Variants in NFAT5 observed in about 807,000 individuals in gnomAD.
The protein encoded by NFAT5 is nuclear factor of activated T cells 5.
Under a neutral mutation model 166.5 loss-of-function variants are expected in NFAT5, and 31 were observed. The ratio of observed to expected loss-of-function variants is 0.19; its 90% CI spans 0.14 to 0.25. The LOEUF (loss-of-function observed/expected upper bound fraction) is 0.25. NFAT5 is among the 10% of genes least tolerant of loss of function. The pLI is 1.00. For synonymous variants in NFAT5, 612 were observed against 639.7 expected (o/e 0.96, Z 0.65); for missense variants, 1,449 against 1,821.8 (o/e 0.80, Z 3.72).
intron 2 of NFAT5, among the ~76,000 whole-genome samples, chr16:69,612,429 C>T (rs1597398215): frequency 6.6e-6 from 1 of 151,318 alleles, no homozygotes; most frequent in East Asian, 1.9e-4. Context: ...AAAAACTTTG[C>T]ATTAAAGTAT....
chr16:69,656,611 C>T (rs2035890727), intron 6 of NFAT5, among the ~76,000 whole-genome samples: 1 of 152,094 alleles, frequency 6.6e-6, no homozygotes, highest in African/African-American at 2.4e-5. Flanking sequence ...TGCCACCACA[C>T]CCGGCTAATT....
chr16:69,643,598 C>T (rs946590593), intron 3 of NFAT5, among the ~76,000 whole-genome samples: 17 of 151,230 alleles, frequency 1.1e-4, no homozygotes, highest in Non-Finnish European at 5.9e-5. Flanking sequence ...ATAATGCTAT[C>T]GTAGTAATAT....
intron 7 of NFAT5, among the ~76,000 whole-genome samples, chr16:69,668,658 T>G (rs2036500393): frequency 6.6e-6 from 1 of 152,128 alleles, no homozygotes; most frequent in African/African-American, 2.4e-5. Context: ...ATCACCATCA[T>G]TCCTGACTCT....
intron 2 of NFAT5, among the ~76,000 whole-genome samples, chr16:69,572,116 C>T (rs1259609009): frequency 6.6e-6 from 1 of 152,318 alleles, no homozygotes; most frequent in East Asian, 1.9e-4. Flanking sequence ...TACTATTCAA[C>T]TGAGTTTGCA....
intron 2 of NFAT5, among the ~76,000 whole-genome samples, chr16:69,584,620 C>G (rs749308406): frequency 6.6e-6 from 1 of 151,606 alleles, no homozygotes; most frequent in Non-Finnish European, 1.5e-5. Flanking sequence ...AAGACACCAT[C>G]TCTACAAAAA....
At chr16:69,654,553 T>C (rs1035872755) in intron 5 of NFAT5, among the ~76,000 whole-genome samples, 1 of 152,240 alleles carries the variant, frequency 6.6e-6, no homozygotes, top group African/African-American at 2.4e-5. Context: ...GATATTTTGG[T>C]AGTTTGGTCA....
At chr16:69,678,358 G>A (rs1019402543) in intron 10 of NFAT5, among the ~76,000 whole-genome samples, 4 of 151,686 alleles carry the variant, frequency 2.6e-5, no homozygotes, top group Admixed American at 2.6e-4. Flanking sequence ...GGGACTACGG[G>A]TGTACACCAC....
intron 2 of NFAT5, among the ~76,000 whole-genome samples, chr16:69,597,138 G>T (rs901103268): frequency 1.3e-5 from 2 of 152,114 alleles, no homozygotes; most frequent in Admixed American, 6.5e-5. Context: ...TGAGAGCTTG[G>T]TGTATTGAAG....
intron 2 of NFAT5, among the ~76,000 whole-genome samples, chr16:69,594,526 A>G (rs1263376163): frequency 6.6e-6 from 1 of 152,110 alleles, no homozygotes; most frequent in East Asian, 1.9e-4. Flanking sequence ...TTGATCTACA[A>G]TGTCAGTATT....
intron 2 of NFAT5, among the ~76,000 whole-genome samples, chr16:69,589,119 C>A (rs556577131): frequency 6.6e-6 from 1 of 151,594 alleles, no homozygotes; most frequent in African/African-American, 2.4e-5. Context: ...CTCAGCCTCC[C>A]GAGTAGCTGG....
At chr16:69,567,914 A>G (rs1277017059) in intron 1 of NFAT5, among the ~76,000 whole-genome samples, 1 of 152,242 alleles carries the variant, frequency 6.6e-6, no homozygotes, top group East Asian at 1.9e-4. Flanking sequence ...TCCATGAAAC[A>G]TATACTTTAT....
intron 7 of NFAT5, among the ~76,000 whole-genome samples, chr16:69,668,027 C>T (rs1363394065): frequency 2.0e-5 from 3 of 152,058 alleles, no homozygotes; most frequent in East Asian, 1.9e-4. Context: ...GGTGCAGTGG[C>T]GTGATCTCGG....
chr16:69,626,459 T>A lies in NFAT5; in HGVS notation c.184T>A (p.Ser62Thr). The stretch of plus-strand genomic sequence containing the variant: ...ACAGTTACCTCCATCTAGAGAAACA[T>A]CTGTAGCATCAATGAGTCAGACAAG... ...ELQLPPSRETSVASMSQTSGG... is the reference protein window; with the variant it reads ...ELQLPPSRETTVASMSQTSGG... The change falls in exon 3 of 15, where the codon TCT becomes ACT. Residue 62 changes from serine (S) to threonine (T), a missense_variant. Coordinates refer to ENST00000349945, the MANE Select transcript of NFAT5 (RefSeq NM_138713.4). 6.3e-7 allele frequency: 1 copy of A among 1,598,826 alleles called. No homozygotes were observed. Among genetic ancestry groups the A allele is most frequent in the Non-Finnish European group, 8.5e-7 (1 of 1,173,042 alleles).
intron 2 of NFAT5, among the ~76,000 whole-genome samples, chr16:69,623,286 C>T (rs1177596681): frequency 6.6e-6 from 1 of 150,944 alleles, no homozygotes; most frequent in Non-Finnish European, 1.5e-5. Context: ...TTCTCCCTAT[C>T]TCTACTCCCT....
In NFAT5 at chr16:69,647,363, T is replaced by C. The variant is rs574803328; in HGVS notation, c.589T>C (p.Ser197Pro). ...EQSCSMWMED[S>P]PSNFSNMSTS... is the part of the protein sequence containing the mutation. The stretch of plus-strand genomic sequence containing the variant: ...GAGCTGCAGTATGTGGATGGAGGAT[T>C]CCCCCTCCAACTTCAGTAACATGAG... The change falls in exon 4 of 15, where the codon TCC becomes CCC. Residue 197 changes from serine (S) to proline (P), a missense_variant. Coordinates refer to ENST00000349945, the MANE Select transcript of NFAT5 (RefSeq NM_138713.4). The surrounding 1 kb of genome is among the most constrained non-coding windows in gnomAD (Gnocchi z 4.8). The C allele has an allele frequency of 6.2e-7, 1 of 1,613,584 alleles. No homozygotes were observed. Among genetic ancestry groups the C allele is most frequent in the African/African-American group, 1.3e-5 (1 of 74,950 alleles).
At chr16:69,629,042 C>A (rs1428726762) in intron 3 of NFAT5, among the ~76,000 whole-genome samples, 1 of 151,860 alleles carries the variant, frequency 6.6e-6, no homozygotes, top group African/African-American at 2.4e-5. Flanking sequence ...CCATTGCACT[C>A]CAGCCTGGTC....
chr16:69,596,926 A>C (rs1191853169), intron 2 of NFAT5, among the ~76,000 whole-genome samples: 1 of 152,158 alleles, frequency 6.6e-6, no homozygotes, highest in Non-Finnish European at 1.5e-5. Context: ...TGAAAGGGAA[A>C]GTATAGTTTG....
chr16:69,629,450 A>G (rs1233714445), intron 3 of NFAT5, among the ~76,000 whole-genome samples: 1 of 152,084 alleles, frequency 6.6e-6, no homozygotes, highest in African/African-American at 2.4e-5. Context: ...ATCTGCTTCT[A>G]CACAATTCAT....
At chr16:69,674,012 G>T (rs144912573) in intron 9 of NFAT5, among the ~76,000 whole-genome samples, 57 of 152,188 alleles carry the variant, frequency 3.7e-4, no homozygotes, top group African/African-American at 1.4e-3. Context: ...GGAGGCCGAG[G>T]CAGGTGAATC....
Sources: gnomAD v4.1 joint callset for allele counts (sites outside exome capture counted in the v4.1 genomes callset) on GRCh38, gnomAD v4.1.1 for gene constraint, Gnocchi (gnomAD v3.1) non-coding constraint, MANE v1.5 for transcripts, NCBI Gene and HGNC (gene_info 2026-07-23, HGNC 2026-07-21) for gene names.